The following DLGAP2 variants were observed in gnomAD, a reference collection of about 807,000 sequenced individuals.
The protein encoded by DLGAP2 is DLG associated protein 2, also known as disks large-associated protein 2.
Under a neutral mutation model 100.3 loss-of-function variants are expected in DLGAP2, and 26 were observed. That is an observed-to-expected ratio of 0.26 (90% CI 0.19 to 0.36). The LOEUF is 0.36. DLGAP2 is among the 10% of genes least tolerant of loss of function. The probability of loss-of-function intolerance (pLI) is 1.00; values close to 1 mark genes in which losing one functional copy is unlikely to be tolerated. For missense variants in DLGAP2, 1,858 were observed against 1,453.2 expected (o/e 1.28, Z -4.53); for synonymous variants, 886 against 630.1 (o/e 1.41, Z -6.08).
chr8:760,400 T>A (rs1821051202), intron 1 of DLGAP2, among the ~76,000 whole-genome samples: 1 of 152,216 alleles, frequency 6.6e-6, no homozygotes. Flanking sequence ...TTTCTCATGT[T>A]TTTCTGTCCT....
At chr8:1,645,655 C>T (rs1008360761) in intron 8 of DLGAP2, among the ~76,000 whole-genome samples, 1 of 152,188 alleles carries the variant, frequency 6.6e-6, no homozygotes, top group African/African-American at 2.4e-5. Context: ...ATTATCCAGA[C>T]AATAATCTTA....
Position 1,706,059 on chromosome 8 carries a change from T to C in DLGAP2, c.*4653T>C, listed in dbSNP as rs1488747042. 1 of 152,136 alleles carries C rather than the reference T, an allele frequency of 6.6e-6. No individual in the cohort carries two copies. The highest frequency in any genetic ancestry group is 1.5e-5 in the Non-Finnish European group (1 of 68,040). The allele number at this position is 152,136 out of a possible 1,614,324, so 9.4% of individuals were successfully genotyped here. ...AGGAGCCCCATCTTGTCGCTATTAG[T>C]TGGGAGTTGCAATACATTGTTGGCC... is the stretch of plus-strand genomic sequence containing the variant. On this transcript the variant is annotated 3_prime_UTR_variant, in exon 15 of 15. Transcript: ENST00000637795.
chr8:1,175,477 A>G (rs149156813), intron 2 of DLGAP2, among the ~76,000 whole-genome samples: 106 of 152,354 alleles, frequency 7.0e-4, no homozygotes, highest in African/African-American at 2.3e-3. Flanking sequence ...TTGATCACTA[A>G]TATATGTACT....
intron 2 of DLGAP2, among the ~76,000 whole-genome samples, chr8:1,025,102 GTGTA>G (rs1408386680): frequency 7.9e-5 from 12 of 151,342 alleles, no homozygotes; most frequent in African/African-American, 2.4e-4. Context: ...ATGTGTGTGC[GTGTA>G]TGTGTGTGCG....
At chr8:1,254,000 A>G (rs6992862) in intron 2 of DLGAP2, among the ~76,000 whole-genome samples, 10,139 of 152,260 alleles carry the variant, frequency 0.067, 867 homozygotes, top group African/African-American at 0.19. Context: ...TTCGCGTTGG[A>G]CGAGAGGTGC....
At chr8:749,936 C>T (rs973577251) in intron 1 of DLGAP2, among the ~76,000 whole-genome samples, 1 of 152,194 alleles carries the variant, frequency 6.6e-6, no homozygotes, top group African/African-American at 2.4e-5. Context: ...GCTTCTCTGT[C>T]TCCACGTGGC....
intron 3 of DLGAP2, among the ~76,000 whole-genome samples, chr8:1,477,306 G>C (rs372509741): frequency 9.8e-5 from 15 of 152,304 alleles, no homozygotes; most frequent in African/African-American, 3.6e-4. Flanking sequence ...GACATGGAGT[G>C]TCCCAGGCCA....
chr8:1,691,732 G>T (rs912502864), intron 13 of DLGAP2, 106 bp downstream of exon 13: 3 of 1,003,938 alleles, frequency 3.0e-6, no homozygotes, highest in Non-Finnish European at 4.5e-6. Flanking sequence ...CCATCGGTAT[G>T]CGGAATATCA....
At chr8:1,236,332 C>T (rs1798654617) in intron 2 of DLGAP2, among the ~76,000 whole-genome samples, 1 of 65,458 alleles carries the variant, frequency 1.5e-5, no homozygotes, top group Non-Finnish European at 3.2e-5. Flanking sequence ...CTGGTTCTCT[C>T]ACATGGCGCC....
At chr8:1,606,654 G>T (rs1563252533) in intron 6 of DLGAP2, among the ~76,000 whole-genome samples, 1 of 152,130 alleles carries the variant, frequency 6.6e-6, no homozygotes, top group Non-Finnish European at 1.5e-5. Flanking sequence ...TCCTTTTGGA[G>T]GCTATTATGA....
At chr8:1,350,966 T>C (rs201399286) in intron 3 of DLGAP2, among the ~76,000 whole-genome samples, 11 of 61,788 alleles carry the variant, frequency 1.8e-4, no homozygotes, top group East Asian at 1.2e-3. Flanking sequence ...GGAAAGGCCG[T>C]GCGGGTCCTG....
At chr8:903,920 C>G (rs973913530) in intron 1 of DLGAP2, among the ~76,000 whole-genome samples, 1 of 152,230 alleles carries the variant, frequency 6.6e-6, no homozygotes, top group Admixed American at 6.5e-5. Context: ...CAGGGACCCT[C>G]TGTTCCCCTG....
intron 4 of DLGAP2, among the ~76,000 whole-genome samples, chr8:1,507,240 G>A (rs1419231541): frequency 6.6e-6 from 1 of 152,244 alleles, no homozygotes; most frequent in Admixed American, 6.5e-5. Flanking sequence ...GGGCCGCGCG[G>A]GAGCCCACCG....
chr8:825,154 C>G (rs1796663059), intron 1 of DLGAP2, among the ~76,000 whole-genome samples: 1 of 152,160 alleles, frequency 6.6e-6, no homozygotes, highest in Admixed American at 6.5e-5. Context: ...CCAAAATGAC[C>G]CCACAGAACC....
chr8:772,756 C>T (rs1821400083), intron 1 of DLGAP2, among the ~76,000 whole-genome samples: 1 of 152,206 alleles, frequency 6.6e-6, no homozygotes, highest in Non-Finnish European at 1.5e-5. Context: ...GGTCATGGCG[C>T]CCTGGCTCCA....
chr8:1,146,804 T>G (rs1427899655), intron 2 of DLGAP2, among the ~76,000 whole-genome samples: 1 of 152,164 alleles, frequency 6.6e-6, no homozygotes, highest in Non-Finnish European at 1.5e-5. Context: ...CCTTTCAGAG[T>G]TCAAGTCCCC....
chr8:1,178,227 G>T (rs530866362), intron 2 of DLGAP2, among the ~76,000 whole-genome samples: 2 of 152,370 alleles, frequency 1.3e-5, no homozygotes, highest in South Asian at 4.1e-4. Flanking sequence ...ATGTCCCAGA[G>T]ATGATTTATG....
chr8:1,578,879 G>A (rs556912447), intron 6 of DLGAP2, among the ~76,000 whole-genome samples: 1 of 152,192 alleles, frequency 6.6e-6, no homozygotes, highest in Non-Finnish European at 1.5e-5. Flanking sequence ...TCCCAGGGCT[G>A]ATGGCCCCGT....
chr8:827,312 G>T (rs1453808531), intron 1 of DLGAP2, among the ~76,000 whole-genome samples: 1 of 152,192 alleles, frequency 6.6e-6, no homozygotes, highest in African/African-American at 2.4e-5. Context: ...TGTCTTCAAT[G>T]TGAGGATTTT....
Sources: gnomAD v4.1 joint callset for allele counts (sites outside exome capture counted in the v4.1 genomes callset) on GRCh38, gnomAD v4.1.1 for gene constraint, MANE v1.5 for transcripts, NCBI Gene and HGNC (gene_info 2026-07-23, HGNC 2026-07-21) for gene names.